Variants in JAKMIP2 observed in about 807,000 individuals in gnomAD.
The protein encoded by JAKMIP2 is janus kinase and microtubule-interacting protein 2.
A neutral mutation model predicts 115.0 loss-of-function variants in JAKMIP2; 25 were observed. That is an observed-to-expected ratio of 0.22 (90% CI 0.16 to 0.30). The LOEUF (loss-of-function observed/expected upper bound fraction) is 0.30. Among genes scored for constraint, JAKMIP2 ranks in the 10% least tolerant of loss-of-function variants. JAKMIP2 has a pLI of 1.00. For synonymous variants in JAKMIP2, 334 were observed against 343.6 expected (o/e 0.97, Z 0.31); for missense variants, 642 against 957.6 (o/e 0.67, Z 4.35).
chr5:147,768,850 C>T (rs1453323665), intron 1 of JAKMIP2, among the ~76,000 whole-genome samples: 1 of 152,156 alleles, frequency 6.6e-6, no homozygotes, highest in Non-Finnish European at 1.5e-5. Flanking sequence ...GAGACACATA[C>T]TGTCACAATG....
intron 8 of JAKMIP2, among the ~76,000 whole-genome samples, chr5:147,641,090 A>G (rs188063434): frequency 2.6e-5 from 4 of 152,320 alleles, no homozygotes; most frequent in African/African-American, 7.2e-5. Flanking sequence ...TACATTTTAT[A>G]TCATGATGAG....
At position 147,671,696 on chromosome 5, in the gene JAKMIP2, C is replaced by T; in HGVS notation, c.111G>A (p.Leu37=). 1 of 1,528,380 alleles carries T rather than the reference C, an allele frequency of 6.5e-7. No homozygotes were observed. Among genetic ancestry groups the T allele is most frequent in the South Asian group, 1.3e-5 (1 of 78,934 alleles). The allele number at this position is 1,528,380 out of a possible 1,614,324, so 94.7% of individuals were successfully genotyped here. A position where few individuals can be genotyped will look rare whatever the true frequency, so the allele number is the denominator to read the frequency against. Residue 37 remains leucine, a synonymous_variant, in exon 2 of 22, where the codon CTG becomes CTA. Transcript: ENST00000616793. ...CGCTCACCTTGGACTTCTCTTGATG[C>T]AGCTCTATCTGAATGTCTGTGAGCT... The part of the protein sequence containing the change: ...RTKLTDIQIE[L]HQEKSKVSKL...
intron 1 of JAKMIP2, among the ~76,000 whole-genome samples, chr5:147,748,322 A>G (rs1754425780): frequency 6.6e-6 from 1 of 152,212 alleles, no homozygotes; most frequent in African/African-American, 2.4e-5. Context: ...AATTCTAATT[A>G]TAAATACCTG....
At chr5:147,764,080 T>C (rs1184139879) in intron 1 of JAKMIP2, among the ~76,000 whole-genome samples, 1 of 152,096 alleles carries the variant, frequency 6.6e-6, no homozygotes, top group Admixed American at 6.6e-5. Flanking sequence ...TCTCCTCTCA[T>C]GATATATGAA....
At chr5:147,648,597 A>G in intron 4 of JAKMIP2, 123 bp from the exon 5 acceptor site, 1 of 620,144 alleles carries the variant, frequency 1.6e-6, no homozygotes, top group Non-Finnish European at 2.8e-6. Context: ...AAGTGAGAAT[A>G]AAATATTCTT....
intron 1 of JAKMIP2, among the ~76,000 whole-genome samples, chr5:147,758,090 C>G (rs531359647): frequency 3.9e-5 from 6 of 152,124 alleles, no homozygotes; most frequent in African/African-American, 9.6e-5. Flanking sequence ...GTAAAATAGT[C>G]AAATGTAGTA....
intron 1 of JAKMIP2, among the ~76,000 whole-genome samples, chr5:147,696,241 C>T (rs1216717391): frequency 6.6e-6 from 1 of 152,166 alleles, no homozygotes; most frequent in East Asian, 1.9e-4. Context: ...CCAGCCAAAA[C>T]TCGAATTGTA....
chr5:147,731,774 A>G (rs982653585), intron 1 of JAKMIP2, among the ~76,000 whole-genome samples: 1 of 152,232 alleles, frequency 6.6e-6, no homozygotes, highest in African/African-American at 2.4e-5. Context: ...TTTGAAAAAT[A>G]GGTCACCTAG....
intron 20 of JAKMIP2, among the ~76,000 whole-genome samples, chr5:147,604,477 A>G (rs1265299321): frequency 6.6e-6 from 1 of 152,144 alleles, no homozygotes; most frequent in Non-Finnish European, 1.5e-5. Flanking sequence ...GAGTACCTGA[A>G]GACCCACCCT....
At chr5:147,632,160 A>G (rs1581323424) in intron 13 of JAKMIP2, among the ~76,000 whole-genome samples, 1 of 152,172 alleles carries the variant, frequency 6.6e-6, no homozygotes, top group East Asian at 1.9e-4. Context: ...TAATCAAGGT[A>G]TTTTCTAAGA....
chr5:147,694,383 A>G (rs535132001), intron 1 of JAKMIP2, among the ~76,000 whole-genome samples: 1 of 152,304 alleles, frequency 6.6e-6, no homozygotes, highest in African/African-American at 2.4e-5. Context: ...TAAAATAGGA[A>G]CAGGACTCCT....
At chr5:147,639,809 C>A in intron 9 of JAKMIP2, 49 bp from the exon 10 acceptor site, 1 of 1,588,000 alleles carries the variant, frequency 6.3e-7, no homozygotes, top group South Asian at 1.2e-5. Flanking sequence ...ATGTTCAGGT[C>A]CTGTTTTCAA....
intron 1 of JAKMIP2, among the ~76,000 whole-genome samples, chr5:147,734,145 T>A (rs1360876843): frequency 1.3e-5 from 2 of 151,802 alleles, no homozygotes; most frequent in East Asian, 3.9e-4. Flanking sequence ...CCAATAAACA[T>A]ATGAAAAAAA....
chr5:147,746,596 G>A (rs1314936043), intron 1 of JAKMIP2, among the ~76,000 whole-genome samples: 1 of 151,776 alleles, frequency 6.6e-6, no homozygotes, highest in Non-Finnish European at 1.5e-5. Context: ...AAGTACTCCA[G>A]AAACATAGCT....
At chr5:147,748,168 G>C (rs774276801) in intron 1 of JAKMIP2, among the ~76,000 whole-genome samples, 10 of 152,150 alleles carry the variant, frequency 6.6e-5, no homozygotes, top group Non-Finnish European at 1.3e-4. Flanking sequence ...CTTGTTGGCT[G>C]TATGAGCTTG....
intron 3 of JAKMIP2, among the ~76,000 whole-genome samples, chr5:147,656,800 G>A (rs1758698524): frequency 6.6e-6 from 1 of 152,126 alleles, no homozygotes; most frequent in South Asian, 2.1e-4. Context: ...TTATATTTTG[G>A]TGTGTTTTTG....
chr5:147,773,773 A>G (rs899721186), intron 1 of JAKMIP2, among the ~76,000 whole-genome samples: 4 of 152,126 alleles, frequency 2.6e-5, no homozygotes, highest in African/African-American at 9.7e-5. Context: ...CAGATGCAAC[A>G]ATCGATTTCC....
At chr5:147,670,717 T>C (rs1759536021) in intron 2 of JAKMIP2, among the ~76,000 whole-genome samples, 2 of 152,220 alleles carry the variant, frequency 1.3e-5, no homozygotes, top group African/African-American at 4.8e-5. Flanking sequence ...GCACATAATA[T>C]ACTTATCTAA....
At position 147,591,071 on chromosome 5, in the gene JAKMIP2, T is replaced by G. The variant is rs1476806612; in HGVS notation, c.*636A>C. On this transcript the variant is annotated 3_prime_UTR_variant, in exon 22 of 22. Coordinates refer to ENST00000616793, the MANE Select transcript of JAKMIP2 (RefSeq NM_001270941.2). ...AGAGTGTTTTTCTTCCCATTTACGA[T>G]GCGGATGTCTCTGTTCCTGAGTTTA... 6.6e-6 allele frequency: 1 copy of G among 152,648 alleles called. No homozygotes were observed. Among genetic ancestry groups the G allele is most frequent in the Non-Finnish European group, 1.5e-5 (1 of 68,058 alleles). The allele number at this position is 152,648 out of a possible 1,614,324, so 9.5% of individuals were successfully genotyped here.
Sources: allele counts gnomAD v4.1 joint callset (sites outside exome capture counted in the v4.1 genomes callset), GRCh38; gene constraint gnomAD v4.1.1; transcripts MANE v1.5; gene names NCBI Gene and HGNC (gene_info 2026-07-23, HGNC 2026-07-21).